The following ENOX1 variants were observed in gnomAD, a reference collection of about 807,000 sequenced individuals.
The protein encoded by ENOX1 is candidate growth-related and time keeping constitutive hydroquinone (NADH) oxidase.
ENOX1 carries 42 observed loss-of-function variants against 82.5 expected under a neutral mutation model. The observed-to-expected ratio is 0.51, with a 90% CI of 0.40 to 0.66. ENOX1 has a LOEUF of 0.66. Ranked by LOEUF, ENOX1 falls within the 30% of genes least tolerant of loss-of-function variation. ENOX1 has a pLI of 0.00. For synonymous variants in ENOX1, 271 were observed against 282.2 expected (o/e 0.96, Z 0.40); for missense variants, 608 against 811.6 (o/e 0.75, Z 3.05).
At chr13:43,405,253 A>G (rs528245549) in intron 5 of ENOX1, among the ~76,000 whole-genome samples, 3 of 152,284 alleles carry the variant, frequency 2.0e-5, no homozygotes, top group South Asian at 4.1e-4. Flanking sequence ...GGGACACAAG[A>G]GAGGGATCTG....
At chr13:43,571,281 T>TA (rs2080166731) in intron 2 of ENOX1, among the ~76,000 whole-genome samples, 1 of 152,136 alleles carries the variant, frequency 6.6e-6, no homozygotes. Context: ...ATGCTGGTAA[T>TA]AAAGCTTATG....
chr13:43,364,196 G>A (rs975742298), intron 5 of ENOX1, among the ~76,000 whole-genome samples: 7 of 152,076 alleles, frequency 4.6e-5, no homozygotes, highest in Non-Finnish European at 7.4e-5. Context: ...ACTGAAAATC[G>A]AGGAAGACAC....
At chr13:43,750,831 C>T (rs1370631041) in intron 1 of ENOX1, among the ~76,000 whole-genome samples, 5 of 152,140 alleles carry the variant, frequency 3.3e-5, no homozygotes, top group Non-Finnish European at 7.3e-5. Flanking sequence ...AACAGAGAAC[C>T]TTTACTGGTT....
intron 2 of ENOX1, among the ~76,000 whole-genome samples, chr13:43,531,785 G>A (rs997281647): frequency 2.0e-5 from 3 of 150,606 alleles, no homozygotes; most frequent in African/African-American, 7.3e-5. Flanking sequence ...GGACATGGAT[G>A]AAGCTGGAAA....
chr13:43,406,593 C>T (rs1029735826), intron 5 of ENOX1, among the ~76,000 whole-genome samples: 14 of 151,378 alleles, frequency 9.2e-5, no homozygotes, highest in East Asian at 3.9e-4. Context: ...CCCGGGTTCA[C>T]GCCATTCTCC....
At chr13:43,305,302 C>A (rs1187689236) in intron 11 of ENOX1, among the ~76,000 whole-genome samples, 2 of 152,158 alleles carry the variant, frequency 1.3e-5, no homozygotes, top group Non-Finnish European at 2.9e-5. Flanking sequence ...ACGGAAATTT[C>A]TTCTGCTACA....
chr13:43,664,778 G>T (rs779962102), intron 2 of ENOX1, among the ~76,000 whole-genome samples: 1 of 152,164 alleles, frequency 6.6e-6, no homozygotes, highest in South Asian at 2.1e-4. Context: ...GTATTTGGTG[G>T]AACTCTGCCT....
chr13:43,313,696 T>C (rs1181824383), intron 11 of ENOX1, among the ~76,000 whole-genome samples: 4 of 152,212 alleles, frequency 2.6e-5, no homozygotes, highest in Admixed American at 6.5e-5. Context: ...ATATAACACA[T>C]ACACACACAA....
intron 1 of ENOX1, among the ~76,000 whole-genome samples, chr13:43,708,122 T>G (rs558069964): frequency 6.6e-6 from 1 of 152,220 alleles, no homozygotes; most frequent in Admixed American, 6.5e-5. Context: ...GTTGGGTGAG[T>G]GGGCTCAAGC....
At chr13:43,648,484 CAG>C (rs2084004379) in intron 2 of ENOX1, among the ~76,000 whole-genome samples, 1 of 152,132 alleles carries the variant, frequency 6.6e-6, no homozygotes, top group Admixed American at 6.5e-5. Context: ...ATAGAGAACA[CAG>C]AGGGCAGAGC....
intron 2 of ENOX1, among the ~76,000 whole-genome samples, chr13:43,521,478 G>A (rs111859299): frequency 0.02 from 3,082 of 152,170 alleles, 53 homozygotes; most frequent in Non-Finnish European, 0.03. Context: ...AAGGGGGACT[G>A]TGTCCAAATC....
chr13:43,568,185 A>G (rs542997482), intron 2 of ENOX1, among the ~76,000 whole-genome samples: 1 of 152,242 alleles, frequency 6.6e-6, no homozygotes, highest in Admixed American at 6.5e-5. Context: ...GTATATAACT[A>G]CAGCAACAAT....
chr13:43,417,127 G>C (rs1352586343), intron 3 of ENOX1, among the ~76,000 whole-genome samples: 1 of 152,134 alleles, frequency 6.6e-6, no homozygotes, highest in East Asian at 1.9e-4. Context: ...GAGAATCAGG[G>C]GAGCCCGAGG....
chr13:43,517,534 G>A (rs77181511), intron 2 of ENOX1, among the ~76,000 whole-genome samples: 2,068 of 152,190 alleles, frequency 0.014, 40 homozygotes, highest in African/African-American at 0.046. Context: ...GTCTCTACAA[G>A]TTTCATGTGA....
chr13:43,550,377 G>A (rs1047622019), intron 2 of ENOX1, among the ~76,000 whole-genome samples: 1 of 152,272 alleles, frequency 6.6e-6, no homozygotes, highest in East Asian at 1.9e-4. Context: ...CATTCAACAC[G>A]GTGTCTTCCT....
chr13:43,519,778 C>T (rs1157709786), intron 2 of ENOX1, among the ~76,000 whole-genome samples: 4 of 152,140 alleles, frequency 2.6e-5, no homozygotes, highest in Non-Finnish European at 5.9e-5. Flanking sequence ...TGACTTACCC[C>T]GTGAAGCCTG....
chr13:43,760,135 A>C (rs543208994), intron 1 of ENOX1, among the ~76,000 whole-genome samples: 17 of 152,098 alleles, frequency 1.1e-4, no homozygotes, highest in African/African-American at 4.1e-4. Flanking sequence ...ATATAGACCA[A>C]CTCTTTTTTC....
intron 2 of ENOX1, among the ~76,000 whole-genome samples, chr13:43,552,271 T>C (rs530192397): frequency 1.3e-5 from 2 of 149,050 alleles, no homozygotes; most frequent in East Asian, 2.0e-4. Context: ...CTAGAAGCCA[T>C]AGAAAAGGGC....
chr13:43,288,050 G>A (rs1356588271), intron 12 of ENOX1, among the ~76,000 whole-genome samples: 1 of 152,194 alleles, frequency 6.6e-6, no homozygotes, highest in Non-Finnish European at 1.5e-5. Context: ...AAAGAAAGGT[G>A]CCAAGGAATT....
Sources: allele counts gnomAD v4.1 joint callset (sites outside exome capture counted in the v4.1 genomes callset), GRCh38; gene constraint gnomAD v4.1.1; transcripts MANE v1.5; gene names NCBI Gene and HGNC (gene_info 2026-07-23, HGNC 2026-07-21).